The following URI1 variants were observed in gnomAD, a reference collection of about 807,000 sequenced individuals.
URI1 encodes the protein unconventional prefoldin RPB5 interactor 1.
Under a neutral mutation model 60.2 loss-of-function variants are expected in URI1, and 39 were observed. The observed-to-expected ratio is 0.65, with a 90% CI of 0.50 to 0.85. The LOEUF (loss-of-function observed/expected upper bound fraction) is 0.85, where lower values mean the gene tolerates loss of function less well. Among genes scored for constraint, URI1 ranks in the 40% least tolerant of loss-of-function variants. The pLI is 0.00. For synonymous variants in URI1, 251 were observed against 236.8 expected (o/e 1.06, Z -0.55); for missense variants, 691 against 665.9 (o/e 1.04, Z -0.42).
Position 29,942,273 on chromosome 19 carries a change from C to T in URI1, c.-275C>T. The T allele has an allele frequency of 3.0e-6, 3 of 984,746 alleles. No homozygotes were observed. Among genetic ancestry groups the T allele is most frequent in the Non-Finnish European group, 3.6e-6 (3 of 829,644 alleles). The allele number at this position is 984,746 out of a possible 1,614,324, so 61.0% of individuals were successfully genotyped here. ...GGCGCGGCCGCCACGCGACGCCTGG[C>T]TGGGCCCGCACCGGAGAGGCGTCTC... On this transcript the variant is annotated 5_prime_UTR_variant, in exon 1 of 11. Transcript: ENST00000392271.
At position 29,935,739 on chromosome 19, in the gene URI1, C is replaced by G. The variant is rs335020; in HGVS notation, c.63+11985C>G. Reference sequence around the variant, plus strand: ...TCCCCAGGACTTTAACTGTGTTATTCCACTGCCTCTGGGCCTCTGGTTCCT... The same window carrying G: ...TCCCCAGGACTTTAACTGTGTTATTGCACTGCCTCTGGGCCTCTGGTTCCT... On this transcript the variant is annotated intron_variant, in intron 1 of 10. Coordinates refer to the URI1 transcript ENST00000360605. 5.9e-3 allele frequency among the ~76,000 whole-genome samples: 849 copies of G among 142,748 alleles called. 10 individuals are homozygous for G. The highest frequency in any genetic ancestry group is 0.022 in the African/African-American group (816 of 36,526). The allele number at this position is 142,748 out of a possible 152,430, so 93.6% of individuals were successfully genotyped here.
At chr19:29,956,142 A>C (rs1219847078) in intron 1 of URI1, among the ~76,000 whole-genome samples, 1 of 151,182 alleles carries the variant, frequency 6.6e-6, no homozygotes, top group Non-Finnish European at 1.5e-5. Context: ...CCGCCACCAC[A>C]CCCAGCTAAT....
intron 4 of URI1, among the ~76,000 whole-genome samples, chr19:29,989,999 T>C (rs963484549): frequency 8.5e-5 from 13 of 152,186 alleles, no homozygotes; most frequent in South Asian, 2.1e-4. Flanking sequence ...TGTTTTCTTC[T>C]GAAAGTTTTA....
intron 1 of URI1, among the ~76,000 whole-genome samples, chr19:29,945,808 T>C (rs200825986): frequency 6.6e-6 from 1 of 152,310 alleles, no homozygotes; most frequent in East Asian, 1.9e-4. Context: ...CACCATTGTT[T>C]TAAAAGTACA....
chr19:29,951,525 C>A (rs77858500), intron 1 of URI1, among the ~76,000 whole-genome samples: 8,234 of 151,278 alleles, frequency 0.054, 251 homozygotes, highest in East Asian at 0.11. Flanking sequence ...CAATGGGAGC[C>A]CCTTCAAGCT....
At chr19:29,930,588 A>T (rs2054908031) in intron 1 of URI1, among the ~76,000 whole-genome samples, 1 of 151,864 alleles carries the variant, frequency 6.6e-6, no homozygotes, top group Non-Finnish European at 1.5e-5. Context: ...TTTCTTATTG[A>T]ATGGTCTTGA....
At chr19:29,935,841 A>C (rs76029594) in intron 1 of URI1, among the ~76,000 whole-genome samples, 16,357 of 150,102 alleles carry the variant, frequency 0.11, 1,394 homozygotes, top group East Asian at 0.22. Flanking sequence ...GGCTGGAGTG[A>C]AATGGTGCCG....
chr19:29,969,664 T>C (rs1352609741), intron 1 of URI1, among the ~76,000 whole-genome samples: 1 of 152,216 alleles, frequency 6.6e-6, no homozygotes, highest in Non-Finnish European at 1.5e-5. Context: ...TGGAAACACA[T>C]GCATTGGGAT....
At chr19:29,984,237 C>G (rs28634385) in intron 2 of URI1, among the ~76,000 whole-genome samples, 2,462 of 152,132 alleles carry the variant, frequency 0.016, 73 homozygotes, top group African/African-American at 0.057. Flanking sequence ...ACCAGCCTGG[C>G]CAACGTGGCG....
intron 1 of URI1, among the ~76,000 whole-genome samples, chr19:29,926,057 A>G (rs1197880969): frequency 2.0e-5 from 3 of 151,638 alleles, no homozygotes; most frequent in Non-Finnish European, 4.4e-5. Context: ...CTAGGAATCA[A>G]TCTTCCTTCT....
Position 30,015,455 on chromosome 19 carries a change from A to T in URI1, c.*386A>T. The T allele has an allele frequency of 6.6e-7, 1 of 1,512,526 alleles. No homozygotes were observed. Among genetic ancestry groups the T allele is most frequent in the Non-Finnish European group, 8.8e-7 (1 of 1,139,332 alleles). The allele number at this position is 1,512,526 out of a possible 1,614,324, so 93.7% of individuals were successfully genotyped here. A position where few individuals can be genotyped will look rare whatever the true frequency, so the allele number is the denominator to read the frequency against. On this transcript the variant is annotated 3_prime_UTR_variant, in exon 11 of 11. Coordinates refer to ENST00000392271, the MANE Select transcript of URI1 (RefSeq NM_003796.3). Reference sequence around the variant, plus strand: ...TATGGACCATTTTAAAGAAAATTTTAAAATTTCAAATAGATTCAACAATTA... The same window carrying T: ...TATGGACCATTTTAAAGAAAATTTTTAAATTTCAAATAGATTCAACAATTA...
At chr19:30,012,084 G>A (rs532898379) in intron 9 of URI1, among the ~76,000 whole-genome samples, 5 of 152,170 alleles carry the variant, frequency 3.3e-5, no homozygotes, top group South Asian at 2.1e-4. Context: ...TTATTATTAG[G>A]CCAGAGAAAT....
chr19:29,987,263 A>G (rs908738653), intron 4 of URI1, among the ~76,000 whole-genome samples: 12 of 152,214 alleles, frequency 7.9e-5, no homozygotes, highest in Non-Finnish European at 1.3e-4. Context: ...AAATAAGGTC[A>G]TACTAAACAG....
At chr19:29,979,707 A>T (rs2055568673) in intron 2 of URI1, among the ~76,000 whole-genome samples, 1 of 152,014 alleles carries the variant, frequency 6.6e-6, no homozygotes, top group Non-Finnish European at 1.5e-5. Context: ...AAGTTTTCTG[A>T]TGGACTCATA....
chr19:30,014,192 G>C (rs1036807796), intron 10 of URI1: 1 of 151,920 alleles, frequency 6.6e-6, no homozygotes, highest in African/African-American at 2.4e-5. Flanking sequence ...TGAACATATA[G>C]TTGACCAGAT....
chr19:29,924,905 G>A (rs1391273951), intron 1 of URI1, among the ~76,000 whole-genome samples: 1 of 151,984 alleles, frequency 6.6e-6, no homozygotes, highest in Non-Finnish European at 1.5e-5. Context: ...GTGTGATCTC[G>A]GTTCACTGCA....
intron 4 of URI1, among the ~76,000 whole-genome samples, chr19:30,002,174 G>A (rs554560649): frequency 1.7e-4 from 26 of 152,046 alleles, no homozygotes; most frequent in African/African-American, 6.0e-4. Flanking sequence ...CACGAATGAT[G>A]TTCATAACTT....
chr19:29,977,305 T>A (rs2055535737), intron 2 of URI1, among the ~76,000 whole-genome samples: 1 of 152,106 alleles, frequency 6.6e-6, no homozygotes, highest in African/African-American at 2.4e-5. Flanking sequence ...TACAGTATAT[T>A]TCATATGAAT....
In URI1 at chr19:29,942,607, T is replaced by G; in HGVS notation, c.60T>G (p.Pro20=). Residue 20 remains proline, a synonymous_variant, in exon 1 of 11, where the codon CCT becomes CCG. Coordinates refer to ENST00000392271, the MANE Select transcript of URI1 (RefSeq NM_003796.3). ...CCTCGCCCCCTTCGGCCCCGGCCCC[T>G]GCCCTGGTTCCGTTGCGCGCCCCGG... ...PDPSPPSAPA[P]ALVPLRAPDV... 8.2e-7 allele frequency: 1 copy of G among 1,224,966 alleles called. No individual in the cohort carries two copies. The highest frequency in any genetic ancestry group is 5.8e-5 in the East Asian group (1 of 17,292). 75.9% of individuals were successfully genotyped at this position (1,224,966 alleles called of 1,614,324 possible).
Sources: allele counts gnomAD v4.1 joint callset (sites outside exome capture counted in the v4.1 genomes callset), GRCh38; gene constraint gnomAD v4.1.1; transcripts MANE v1.5; gene names NCBI Gene and HGNC (gene_info 2026-07-23, HGNC 2026-07-21).